PTCHD4: variants seen among roughly 807,000 people sequenced by gnomAD.
The protein encoded by PTCHD4 is patched domain containing 4.
Under a neutral mutation model 58.1 loss-of-function variants are expected in PTCHD4, and 33 were observed. The ratio of observed to expected loss-of-function variants is 0.57; its 90% CI spans 0.43 to 0.76. The LOEUF is 0.76. Ranked by LOEUF, PTCHD4 falls within the 30% of genes least tolerant of loss-of-function variation. The pLI is 0.00. For missense variants in PTCHD4, 1,058 were observed against 1,027.1 expected, an observed-to-expected ratio of 1.03 and a Z score of -0.41; for synonymous variants, 478 against 409.6, an observed-to-expected ratio of 1.17 and a Z score of -2.02.
At chr6:47,894,527 T>A (rs1247960273) in intron 4 of PTCHD4, among the ~76,000 whole-genome samples, 1 of 152,358 alleles carries the variant, frequency 6.6e-6, no homozygotes, top group African/African-American at 2.4e-5. Context: ...TATCTTACTG[T>A]GTTGCTGAGA....
In PTCHD4 at chr6:48,062,680, G is replaced by GA. The variant is rs566170781; in HGVS notation, c.417+5549dup. 3.4e-4 allele frequency among the ~76,000 whole-genome samples: 52 copies of GA among 152,204 alleles called. 1 individual carries two copies. In the East Asian group the frequency reaches 9.9e-3, roughly 29 times the overall value. On this transcript the variant is annotated intron_variant, in intron 3 of 4. Transcript: ENST00000339488. ...GAACTTATCCCAATAGGATGGCCAG[G>GA]AAAAATATGTACAATAATTCAGTTG...
At chr6:47,935,760 G>A (rs1199027559) in intron 4 of PTCHD4, among the ~76,000 whole-genome samples, 1 of 152,184 alleles carries the variant, frequency 6.6e-6, no homozygotes, top group Non-Finnish European at 1.5e-5. Flanking sequence ...AGAAAAGGAA[G>A]CATTCTTGCT....
At chr6:48,099,091 AT>A (rs370827092) in intron 1 of PTCHD4, among the ~76,000 whole-genome samples, 346 of 152,238 alleles carry the variant, frequency 2.3e-3, no homozygotes, top group African/African-American at 7.8e-3. Flanking sequence ...TCTTCCTTTC[AT>A]TTGAGAAGCT....
chr6:47,960,303 A>C lies in PTCHD4; in HGVS notation c.898+48331T>G, dbSNP rs536095908. Among the ~76,000 whole-genome samples, 22 of 152,266 alleles carry C rather than the reference A, an allele frequency of 1.4e-4. 1 individual carries two copies. In the South Asian group the frequency reaches 4.3e-3, roughly 30 times the overall value. On this transcript the variant is annotated intron_variant, in intron 4 of 4. Transcript: ENST00000339488. The stretch of plus-strand genomic sequence containing the variant: ...TGATAGAAAAGATGAAAAAGGGAAC[A>C]AAGAAAAGATGGGACAAATACAGGT...
chr6:47,982,951 A>G (rs1767939246), intron 4 of PTCHD4, among the ~76,000 whole-genome samples: 1 of 152,222 alleles, frequency 6.6e-6, no homozygotes, highest in African/African-American at 2.4e-5. Flanking sequence ...CAAGATAAAT[A>G]ACGTTGAAAT....
intron 4 of PTCHD4, among the ~76,000 whole-genome samples, chr6:47,903,071 C>G (rs976911979): frequency 6.6e-5 from 10 of 152,190 alleles, no homozygotes; most frequent in Admixed American, 5.2e-4. Context: ...TCAAATCTAT[C>G]CTGTCAATGG....
At chr6:47,899,275 C>T (rs1244253866) in intron 4 of PTCHD4, among the ~76,000 whole-genome samples, 1 of 152,198 alleles carries the variant, frequency 6.6e-6, no homozygotes, top group African/African-American at 2.4e-5. Context: ...CATCTGATGT[C>T]TCTTTTTTCC....
Position 47,862,404 on chromosome 6 carries a change from A to T in PTCHD4, c.*15899T>A, listed in dbSNP as rs1475104898. Among the ~76,000 whole-genome samples the T allele has an allele frequency of 6.6e-6, 1 of 151,712 alleles. No homozygotes were observed. The highest frequency in any genetic ancestry group is 2.4e-5 in the African/African-American group (1 of 41,358). On this transcript the variant is annotated 3_prime_UTR_variant, in exon 5 of 5. Coordinates refer to ENST00000339488, the MANE Select transcript of PTCHD4 (RefSeq NM_001384253.1). ...AGTTCTCCAAGAAATAACCTTCCTG[A>T]AGTCTTTTATTCAAGATCAAAATTT...
intron 4 of PTCHD4, among the ~76,000 whole-genome samples, chr6:47,906,440 G>A (rs948420011): frequency 7.2e-5 from 11 of 152,022 alleles, no homozygotes; most frequent in African/African-American, 7.2e-5. Flanking sequence ...AACTTTACTC[G>A]CATTCAAGAG....
intron 1 of PTCHD4, among the ~76,000 whole-genome samples, chr6:48,106,360 A>T (rs1765723369): frequency 6.6e-6 from 1 of 152,220 alleles, no homozygotes. Flanking sequence ...CCACATGATT[A>T]TCTCAATAGA....
At chr6:48,037,385 G>T (rs752429318) in intron 3 of PTCHD4, among the ~76,000 whole-genome samples, 3 of 152,158 alleles carry the variant, frequency 2.0e-5, no homozygotes, top group Non-Finnish European at 2.9e-5. Context: ...GTCTTGGACT[G>T]CATCCCTTGT....
intron 1 of PTCHD4, among the ~76,000 whole-genome samples, chr6:48,099,844 G>C (rs1230043590): frequency 6.6e-6 from 1 of 152,132 alleles, no homozygotes; most frequent in East Asian, 1.9e-4. Flanking sequence ...GAATTTTTAG[G>C]TGCATGTTTA....
chr6:47,884,473 C>A (rs2114109124), intron 4 of PTCHD4, among the ~76,000 whole-genome samples: 1 of 152,318 alleles, frequency 6.6e-6, no homozygotes, highest in African/African-American at 2.4e-5. Flanking sequence ...AGTAATCCAC[C>A]TCAAACTGAT....
At chr6:47,986,436 A>T (rs1768065306) in intron 4 of PTCHD4, among the ~76,000 whole-genome samples, 2 of 152,200 alleles carry the variant, frequency 1.3e-5, no homozygotes, top group South Asian at 4.1e-4. Flanking sequence ...TGGTATACTT[A>T]CAAAAATTAA....
intron 4 of PTCHD4, among the ~76,000 whole-genome samples, chr6:47,887,496 T>A (rs6904563): frequency 0.48 from 73,111 of 151,944 alleles, 18,931 homozygotes; most frequent in East Asian, 0.75. Flanking sequence ...CTCTGTTCAG[T>A]TCACATTGAC....
intron 4 of PTCHD4, among the ~76,000 whole-genome samples, chr6:48,002,223 C>A (rs1331865825): frequency 6.6e-6 from 1 of 152,032 alleles, no homozygotes; most frequent in Non-Finnish European, 1.5e-5. Context: ...GGGATCTAGA[C>A]CTAGAAATAC....
chr6:47,938,885 G>A (rs996378688), intron 4 of PTCHD4, among the ~76,000 whole-genome samples: 1 of 152,120 alleles, frequency 6.6e-6, no homozygotes, highest in Admixed American at 6.6e-5. Flanking sequence ...TAAAAGAGGG[G>A]CCAGGAAGAG....
intron 4 of PTCHD4, among the ~76,000 whole-genome samples, chr6:47,962,495 A>G (rs554960024): frequency 7.2e-5 from 11 of 152,206 alleles, no homozygotes; most frequent in Admixed American, 2.0e-4. Flanking sequence ...TGAATCATGC[A>G]TGGGGCAGTG....
At chr6:48,081,473 C>T (rs2113893909) in intron 1 of PTCHD4, among the ~76,000 whole-genome samples, 1 of 152,240 alleles carries the variant, frequency 6.6e-6, no homozygotes, top group South Asian at 2.1e-4. Context: ...AAACTTTAGC[C>T]TCCTCATCTG....
Sources: gnomAD v4.1 joint callset for allele counts (sites outside exome capture counted in the v4.1 genomes callset) on GRCh38, gnomAD v4.1.1 for gene constraint, MANE v1.5 for transcripts, NCBI Gene and HGNC (gene_info 2026-07-23, HGNC 2026-07-21) for gene names.